Variants in TNFSF13B observed in about 807,000 individuals in gnomAD.
TNFSF13B encodes tumor necrosis factor ligand superfamily member 13B.
TNFSF13B carries 8 observed loss-of-function variants against 29.1 expected under a neutral mutation model. The ratio of observed to expected loss-of-function variants is 0.27; its 90% CI spans 0.16 to 0.50. The LOEUF (loss-of-function observed/expected upper bound fraction) is 0.50. Among genes scored for constraint, TNFSF13B ranks in the 20% least tolerant of loss-of-function variants. The probability of loss-of-function intolerance (pLI) is 0.98; values close to 1 mark genes in which losing one functional copy is unlikely to be tolerated. For missense variants in TNFSF13B, 248 were observed against 334.9 expected (o/e 0.74, Z 2.03); for synonymous variants, 125 against 130.8 (o/e 0.96, Z 0.30).
intron 5 of TNFSF13B, among the ~76,000 whole-genome samples, chr13:108,304,422 C>T (rs1029750481): frequency 5.3e-5 from 8 of 152,172 alleles, no homozygotes; most frequent in African/African-American, 1.7e-4. Flanking sequence ...AAAGTGTAGG[C>T]GCAAACCTAC....
At chr13:108,279,533 A>G (rs1427420106) in intron 2 of TNFSF13B, among the ~76,000 whole-genome samples, 1 of 152,174 alleles carries the variant, frequency 6.6e-6, no homozygotes, top group Non-Finnish European at 1.5e-5. Context: ...TTTAAGTACA[A>G]CTGGGTTTGG....
intron 2 of TNFSF13B, among the ~76,000 whole-genome samples, chr13:108,272,602 A>G (rs1337211864): frequency 6.6e-6 from 1 of 152,044 alleles, no homozygotes; most frequent in African/African-American, 2.4e-5. Flanking sequence ...AATGTATTAA[A>G]TAGTTCTTTT....
rs188096893 is a variant in TNFSF13B, at chr13:108,300,949, A to G, written c.482-2304A>G. Reference sequence around the variant, plus strand: ...CCTCCCTCTGTCTATGGTAATAGGAACTCAAAGATCTGACTAGGGAAATGT... The same window carrying G: ...CCTCCCTCTGTCTATGGTAATAGGAGCTCAAAGATCTGACTAGGGAAATGT... On this transcript the variant is annotated intron_variant, in intron 3 of 5. Coordinates refer to ENST00000375887, the MANE Select transcript of TNFSF13B (RefSeq NM_006573.5). Among the ~76,000 whole-genome samples, 79 of 152,294 alleles carry G rather than the reference A, an allele frequency of 5.2e-4. No individual in the cohort carries two copies. In the East Asian group the frequency reaches 0.014, roughly 27 times the overall value.
At chr13:108,302,786 G>T in intron 3 of TNFSF13B, 1 of 985,606 alleles carries the variant, frequency 1.0e-6, no homozygotes, top group Non-Finnish European at 1.2e-6. Flanking sequence ...GCTCCCTTCT[G>T]TTGCCACATT....
chr13:108,303,626 C>T, intron 5 of TNFSF13B, 22 bp downstream of exon 5: 2 of 1,588,992 alleles, frequency 1.3e-6, no homozygotes, highest in Non-Finnish European at 1.7e-6. Flanking sequence ...TTCTCACACC[C>T]TGCTAATTGT....
Position 108,273,544 on chromosome 13 carries a change from G to A in TNFSF13B, c.424+3120G>A, listed in dbSNP as rs1221871351. ...TCATCACTGCATAAAATTAACTGTG[G>A]TACATACTGTACTACTGTAATAATT... On this transcript the variant is annotated intron_variant, in intron 2 of 5. Transcript: ENST00000375887. Among the ~76,000 whole-genome samples the A allele has an allele frequency of 4.6e-5, 7 of 152,064 alleles. No individual in the cohort carries two copies. In the East Asian group the frequency reaches 1.2e-3, roughly 25 times the overall value.
intron 3 of TNFSF13B, among the ~76,000 whole-genome samples, chr13:108,288,213 A>G (rs1444787508): frequency 6.6e-6 from 1 of 152,214 alleles, no homozygotes; most frequent in Non-Finnish European, 1.5e-5. Context: ...ATGTACTAAA[A>G]AAGAACCATT....
At chr13:108,281,924 T>C (rs1465000584) in intron 2 of TNFSF13B, among the ~76,000 whole-genome samples, 2 of 152,228 alleles carry the variant, frequency 1.3e-5, no homozygotes, top group African/African-American at 4.8e-5. Flanking sequence ...GTGTTTTTTT[T>C]TTCTAGTTAA....
chr13:108,272,052 G>C (rs529868454), intron 2 of TNFSF13B, among the ~76,000 whole-genome samples: 8 of 152,032 alleles, frequency 5.3e-5, no homozygotes, highest in African/African-American at 1.9e-4. Context: ...GTGGTGTACC[G>C]GTTCTCCACA....
chr13:108,303,668 C>T (rs1277761989), intron 5 of TNFSF13B, 64 bp downstream of exon 5: 1 of 1,509,084 alleles, frequency 6.6e-7, no homozygotes, highest in Non-Finnish European at 8.9e-7. Flanking sequence ...AAAATCTGAG[C>T]TGCAAAATGC....
At chr13:108,286,261 T>A (rs1474851602) in intron 2 of TNFSF13B, among the ~76,000 whole-genome samples, 2 of 152,200 alleles carry the variant, frequency 1.3e-5, no homozygotes, top group Non-Finnish European at 2.9e-5. Context: ...GTTTCCAATA[T>A]CTAATTTTTA....
intron 2 of TNFSF13B, among the ~76,000 whole-genome samples, chr13:108,281,338 A>C (rs2139049069): frequency 6.6e-6 from 1 of 152,294 alleles, no homozygotes; most frequent in Non-Finnish European, 1.5e-5. Context: ...ACTCCTTTCC[A>C]ACACCCGCTT....
intron 3 of TNFSF13B, among the ~76,000 whole-genome samples, chr13:108,299,465 T>C (rs1881550757): frequency 6.6e-6 from 1 of 152,174 alleles, no homozygotes; most frequent in Non-Finnish European, 1.5e-5. Flanking sequence ...TTCACTTGTT[T>C]AGTAATTTTT....
intron 2 of TNFSF13B, among the ~76,000 whole-genome samples, chr13:108,273,787 C>T (rs138043496): frequency 5.5e-4 from 83 of 152,126 alleles, no homozygotes; most frequent in African/African-American, 1.8e-3. Flanking sequence ...ATAGAAAATG[C>T]GATAGTGATG....
At position 108,269,842 on chromosome 13, in the gene TNFSF13B, T is replaced by C. The variant is rs1880558112; in HGVS notation, c.-54T>C. 3 of 1,474,194 alleles carry C rather than the reference T, an allele frequency of 2.0e-6. No individual in the cohort carries two copies. In the South Asian group the frequency reaches 3.8e-5, roughly 19 times the overall value. 91.3% of individuals were successfully genotyped at this position (1,474,194 alleles called of 1,614,324 possible). A position where few individuals can be genotyped will look rare whatever the true frequency, so the allele number is the denominator to read the frequency against. On this transcript the variant is annotated 5_prime_UTR_variant, in exon 1 of 6. Coordinates refer to ENST00000375887, the MANE Select transcript of TNFSF13B (RefSeq NM_006573.5). ...AACACAGATAACAGGAAATGATCCA[T>C]TCCCTGTGGTCACTTATTCTAAAGG...
chr13:108,276,506 C>T lies in TNFSF13B; in HGVS notation c.424+6082C>T, dbSNP rs555595958. Among the ~76,000 whole-genome samples, 45 of 152,252 alleles carry T rather than the reference C, an allele frequency of 3.0e-4. No individual in the cohort carries two copies. The South Asian group carries it at 3.3e-3, about 11-fold the overall frequency. On this transcript the variant is annotated intron_variant, in intron 2 of 5. Transcript: ENST00000375887. The stretch of plus-strand genomic sequence containing the variant: ...AACACAGCCAAATGTGATATTGTGT[C>T]TCTTTTACACAATCTTACATTATCG...
At chr13:108,271,964 G>A (rs1345163783) in intron 2 of TNFSF13B, among the ~76,000 whole-genome samples, 1 of 151,898 alleles carries the variant, frequency 6.6e-6, no homozygotes, top group African/African-American at 2.4e-5. Flanking sequence ...TCTGAGCTAG[G>A]GAGAAGAAAC....
At chr13:108,281,080 C>T (rs1880940213) in intron 2 of TNFSF13B, among the ~76,000 whole-genome samples, 1 of 152,154 alleles carries the variant, frequency 6.6e-6, no homozygotes, top group Middle Eastern at 3.4e-3. Flanking sequence ...AACCCTGTCT[C>T]TACTAAAAAT....
intron 2 of TNFSF13B, among the ~76,000 whole-genome samples, chr13:108,271,776 A>G (rs1451156765): frequency 3.9e-5 from 6 of 152,144 alleles, no homozygotes; most frequent in African/African-American, 1.2e-4. Flanking sequence ...TGACTTATAC[A>G]ATAAGGATTT....
Sources: allele counts gnomAD v4.1 joint callset (sites outside exome capture counted in the v4.1 genomes callset), GRCh38; gene constraint gnomAD v4.1.1; transcripts MANE v1.5; gene names NCBI Gene and HGNC (gene_info 2026-07-23, HGNC 2026-07-21).